The following KLF12 variants were observed in gnomAD, a reference collection of about 807,000 sequenced individuals.
The protein encoded by KLF12 is KLF transcription factor 12.
A neutral mutation model predicts 37.8 loss-of-function variants in KLF12; 9 were observed. The ratio of observed to expected loss-of-function variants is 0.24; its 90% CI spans 0.14 to 0.42. The LOEUF (loss-of-function observed/expected upper bound fraction) is 0.42, where lower values mean the gene tolerates loss of function less well. KLF12 is among the 10% of genes least tolerant of loss of function. The pLI, the probability that KLF12 is intolerant of heterozygous loss-of-function variation, is 1.00. For synonymous variants in KLF12, 208 were observed against 202.1 expected (o/e 1.03, Z -0.25); for missense variants, 411 against 516.0 (o/e 0.80, Z 1.97).
intron 1 of KLF12, among the ~76,000 whole-genome samples, chr13:74,054,965 A>G (rs1266659759): frequency 6.6e-6 from 1 of 152,162 alleles, no homozygotes; most frequent in Admixed American, 6.5e-5. Context: ...CCAAAACATG[A>G]TAATACAGCA....
chr13:74,271,516 A>T, the KLF12 span, among the ~76,000 whole-genome samples: 4 of 152,332 alleles, frequency 2.6e-5, no homozygotes, highest in Admixed American at 2.6e-4. Flanking sequence ...CTCTTAAAAA[A>T]TGAATGACTG....
At chr13:73,945,523 T>C (rs1480325662) in intron 2 of KLF12, among the ~76,000 whole-genome samples, 1 of 152,182 alleles carries the variant, frequency 6.6e-6, no homozygotes. Context: ...AATTACATGT[T>C]CTTATTACCA....
intron 1 of KLF12, among the ~76,000 whole-genome samples, chr13:74,048,959 A>T (rs1041545356): frequency 1.3e-5 from 2 of 152,238 alleles, no homozygotes; most frequent in African/African-American, 4.8e-5. Context: ...GCAACCTGAC[A>T]CAGCCAACAA....
At chr13:74,189,219 C>T in the KLF12 span, among the ~76,000 whole-genome samples, 3 of 152,032 alleles carry the variant, frequency 2.0e-5, no homozygotes, top group Non-Finnish European at 2.9e-5. Flanking sequence ...AACCTTCTTC[C>T]GTAATCTATT....
rs73531226 is a variant in KLF12, at chr13:74,083,145, T to C, written c.-32+50594A>G. On this transcript the variant is annotated intron_variant, in intron 1 of 7. Transcript: ENST00000377669. ...GGGGCCCACAGTCAGGCATCATCTC[T>C]AGATCATCCATTATTATCTGTCTTA... Among the ~76,000 whole-genome samples the C allele has an allele frequency of 7.0e-3, 1,070 of 152,310 alleles. 10 individuals are homozygous for C. The highest frequency in any genetic ancestry group is 0.024 in the African/African-American group (994 of 41,564).
intron 7 of KLF12, among the ~76,000 whole-genome samples, chr13:73,699,713 G>A (rs980973155): frequency 1.3e-5 from 2 of 152,192 alleles, no homozygotes; most frequent in East Asian, 1.9e-4. Context: ...GTTACAACAT[G>A]AGAAGGATCA....
At chr13:74,127,965 A>AT (rs1209868504) in intron 1 of KLF12, among the ~76,000 whole-genome samples, 7 of 152,184 alleles carry the variant, frequency 4.6e-5, no homozygotes, top group African/African-American at 1.7e-4. Flanking sequence ...AATTAAGGGC[A>AT]TTCTTTTTAA....
At chr13:74,146,604 C>T in the KLF12 span, among the ~76,000 whole-genome samples, 1 of 152,134 alleles carries the variant, frequency 6.6e-6, no homozygotes, top group East Asian at 1.9e-4. Flanking sequence ...AATTTAGTTT[C>T]CTTTGCTACA....
At chr13:73,713,832 G>A (rs1012875609) in intron 7 of KLF12, among the ~76,000 whole-genome samples, 2 of 152,168 alleles carry the variant, frequency 1.3e-5, no homozygotes, top group Non-Finnish European at 2.9e-5. Context: ...GTGTGAAAAT[G>A]AGGCTAATAT....
At chr13:74,205,368 C>A in the KLF12 span, among the ~76,000 whole-genome samples, 1 of 152,148 alleles carries the variant, frequency 6.6e-6, no homozygotes, top group Non-Finnish European at 1.5e-5. Context: ...TCTCCCAAGA[C>A]AACTGGCATC....
At chr13:74,152,899 T>G in the KLF12 span, among the ~76,000 whole-genome samples, 2 of 142,258 alleles carry the variant, frequency 1.4e-5, no homozygotes, top group Non-Finnish European at 3.1e-5. Context: ...ATAATAATAA[T>G]AATAATAATA....
intron 6 of KLF12, among the ~76,000 whole-genome samples, chr13:73,741,049 G>A (rs1040528441): frequency 6.6e-6 from 1 of 152,178 alleles, no homozygotes; most frequent in African/African-American, 2.4e-5. Flanking sequence ...AATACTTTAA[G>A]TTTATAATAA....
At chr13:74,291,267 A>G in the KLF12 span, among the ~76,000 whole-genome samples, 1 of 152,228 alleles carries the variant, frequency 6.6e-6, no homozygotes, top group African/African-American at 2.4e-5. Flanking sequence ...CTACCTTATA[A>G]TGAAGCTGAC....
intron 2 of KLF12, among the ~76,000 whole-genome samples, chr13:73,989,206 TGA>T (rs1891901672): frequency 6.6e-6 from 1 of 152,220 alleles, no homozygotes; most frequent in Admixed American, 6.5e-5. Flanking sequence ...CCACCTTTAG[TGA>T]GAGTTAAAAG....
chr13:74,248,231 A>T, the KLF12 span, among the ~76,000 whole-genome samples: 2 of 152,184 alleles, frequency 1.3e-5, no homozygotes, highest in Non-Finnish European at 2.9e-5. Flanking sequence ...GTTCACTCTC[A>T]GTACTCTGGA....
rs370790377 is a variant in KLF12 at position 73,979,425 on chromosome 13, C to G, written c.33+15565G>C. Among the ~76,000 whole-genome samples, 3 of 150,582 alleles carry G rather than the reference C, an allele frequency of 2.0e-5. No homozygotes were observed. In the South Asian group the frequency reaches 6.3e-4, roughly 31 times the overall value. ...AATCATGGAATACAGCTAATGCTGT[C>G]TGGAGAGAAATTTTTTAATTAAAGA... On this transcript the variant is annotated intron_variant, in intron 2 of 7. Coordinates refer to ENST00000377669, the MANE Select transcript of KLF12 (RefSeq NM_007249.5).
intron 2 of KLF12, among the ~76,000 whole-genome samples, chr13:73,985,143 G>T (rs980161930): frequency 2.0e-5 from 3 of 152,186 alleles, no homozygotes; most frequent in African/African-American, 7.2e-5. Flanking sequence ...AAAACATGTC[G>T]ACGAGAGTCT....
chr13:74,091,690 G>A (rs995273181), intron 1 of KLF12, among the ~76,000 whole-genome samples: 1 of 127,040 alleles, frequency 7.9e-6, no homozygotes, highest in African/African-American at 2.5e-5. Flanking sequence ...AAGAGCACAG[G>A]GGATTTTAAG....
At chr13:73,713,479 T>C (rs1288273089) in intron 7 of KLF12, among the ~76,000 whole-genome samples, 2 of 152,358 alleles carry the variant, frequency 1.3e-5, no homozygotes, top group East Asian at 3.9e-4. Flanking sequence ...TGCAGAAAAC[T>C]GCACAGCAGT....
Sources: allele counts gnomAD v4.1 joint callset (sites outside exome capture counted in the v4.1 genomes callset), GRCh38; gene constraint gnomAD v4.1.1; transcripts MANE v1.5; gene names NCBI Gene and HGNC (gene_info 2026-07-23, HGNC 2026-07-21).